The following TRDN variants were observed in gnomAD, a reference collection of about 807,000 sequenced individuals.
TRDN encodes the protein triadin in skeletal muscle.
In TRDN, 161 loss-of-function variants were observed where a neutral mutation model predicts 149.7. That is an observed-to-expected ratio of 1.08 (90% CI 0.95 to 1.23). The LOEUF is 1.23. TRDN is among the 50% of genes most tolerant of loss of function. TRDN has a pLI of 0.00. For synonymous variants in TRDN, 294 were observed against 250.5 expected (o/e 1.17, Z -1.64); for missense variants, 896 against 823.5 (o/e 1.09, Z -1.08).
intron 9 of TRDN, among the ~76,000 whole-genome samples, chr6:123,466,732 A>G (rs928386583): frequency 2.6e-5 from 4 of 152,120 alleles, no homozygotes; most frequent in Non-Finnish European, 4.4e-5. Context: ...AATAAGCTAC[A>G]AGGACAAAGA....
intron 13 of TRDN, among the ~76,000 whole-genome samples, chr6:123,389,908 C>G (rs1782043241): frequency 6.6e-6 from 1 of 152,100 alleles, no homozygotes; most frequent in Non-Finnish European, 1.5e-5. Context: ...TGATGAATTT[C>G]AAAGCCATGA....
intron 14 of TRDN, among the ~76,000 whole-genome samples, chr6:123,386,854 T>G (rs549478205): frequency 3.9e-5 from 6 of 152,206 alleles, no homozygotes; most frequent in Non-Finnish European, 8.8e-5. Context: ...AACCTCTGGC[T>G]ACTCTTACAT....
intron 12 of TRDN, among the ~76,000 whole-genome samples, chr6:123,431,162 C>T (rs572541709): frequency 2.0e-5 from 3 of 152,246 alleles, no homozygotes; most frequent in East Asian, 1.9e-4. Context: ...GTCATCTGAA[C>T]GCAGATTTAC....
intron 1 of TRDN, among the ~76,000 whole-genome samples, chr6:123,590,248 G>A (rs952113189): frequency 1.1e-4 from 16 of 152,040 alleles, no homozygotes; most frequent in Admixed American, 5.2e-4. Context: ...GATCAGCAGC[G>A]GCATTAGATT....
At chr6:123,605,369 C>T (rs999699636) in intron 1 of TRDN, among the ~76,000 whole-genome samples, 1 of 150,616 alleles carries the variant, frequency 6.6e-6, no homozygotes, top group African/African-American at 2.4e-5. Flanking sequence ...CTCCTCTGAA[C>T]ATATTGGAGA....
intron 21 of TRDN, 69 bp downstream of exon 21, chr6:123,352,470 C>T (rs1780500353): frequency 1.3e-6 from 2 of 1,590,172 alleles, no homozygotes; most frequent in African/African-American, 1.4e-5. Flanking sequence ...TGTCTGAATC[C>T]AGTGCTTTCC....
intron 12 of TRDN, among the ~76,000 whole-genome samples, chr6:123,425,660 C>A (rs1212524817): frequency 2.6e-5 from 4 of 151,992 alleles, no homozygotes; most frequent in African/African-American, 9.7e-5. Context: ...GTGAAATGCT[C>A]TTGAGAAGGA....
intron 10 of TRDN, among the ~76,000 whole-genome samples, chr6:123,441,672 G>A (rs1432867320): frequency 6.6e-6 from 1 of 152,080 alleles, no homozygotes; most frequent in Non-Finnish European, 1.5e-5. Flanking sequence ...CCCTCACAAT[G>A]GGCTTTTCTC....
At chr6:123,520,713 T>C (rs1779633759) in intron 5 of TRDN, among the ~76,000 whole-genome samples, 1 of 152,198 alleles carries the variant, frequency 6.6e-6, no homozygotes, top group Non-Finnish European at 1.5e-5. Flanking sequence ...TTTAAATGTA[T>C]GGACAATTTC....
At chr6:123,310,269 A>T (rs1226915670) in intron 24 of TRDN, among the ~76,000 whole-genome samples, 1 of 152,092 alleles carries the variant, frequency 6.6e-6, no homozygotes, top group East Asian at 1.9e-4. Context: ...AGCATAAAAA[A>T]GTCATAACAT....
At chr6:123,597,168 C>G (rs543335379) in intron 1 of TRDN, among the ~76,000 whole-genome samples, 94 of 152,146 alleles carry the variant, frequency 6.2e-4, no homozygotes, top group Non-Finnish European at 1.2e-3. Context: ...ATTTCCTTAA[C>G]AGTTGATTCC....
intron 12 of TRDN, among the ~76,000 whole-genome samples, chr6:123,420,530 G>C (rs1218028819): frequency 1.3e-5 from 2 of 152,236 alleles, no homozygotes; most frequent in Non-Finnish European, 2.9e-5. Flanking sequence ...ACATACAGCA[G>C]AGGAGACTGG....
At chr6:123,549,370 G>A (rs182146671) in intron 2 of TRDN, among the ~76,000 whole-genome samples, 1 of 151,978 alleles carries the variant, frequency 6.6e-6, no homozygotes, top group Non-Finnish European at 1.5e-5. Context: ...CTCTGAAGAG[G>A]CAAGCATAGC....
At chr6:123,381,303 T>C in intron 16 of TRDN, 67 bp downstream of exon 16, 10 of 1,443,656 alleles carry the variant, frequency 6.9e-6, no homozygotes, top group Admixed American at 6.1e-5. Context: ...CAGGTCTAAA[T>C]ACAGCAGCAG....
intron 1 of TRDN, among the ~76,000 whole-genome samples, chr6:123,588,433 T>G (rs1314201017): frequency 1.3e-5 from 2 of 152,198 alleles, no homozygotes; most frequent in African/African-American, 2.4e-5. Context: ...TGACACCTCC[T>G]TCCCATCATG....
At chr6:123,521,438 A>G (rs1425862591) in intron 5 of TRDN, among the ~76,000 whole-genome samples, 1 of 152,060 alleles carries the variant, frequency 6.6e-6, no homozygotes, top group African/African-American at 2.4e-5. Context: ...CAGGGAGAGC[A>G]TCATTTGAAG....
chr6:123,269,348 A>G (rs1039312476), intron 31 of TRDN, among the ~76,000 whole-genome samples: 1 of 152,080 alleles, frequency 6.6e-6, no homozygotes, highest in African/African-American at 2.4e-5. Context: ...TCTAAATGCC[A>G]AAGTTACCTA....
At chr6:123,594,472 C>T (rs1783935325) in intron 1 of TRDN, among the ~76,000 whole-genome samples, 1 of 151,952 alleles carries the variant, frequency 6.6e-6, no homozygotes, top group African/African-American at 2.4e-5. Context: ...AATTTAATTA[C>T]ATCATGTCAT....
intron 26 of TRDN, among the ~76,000 whole-genome samples, chr6:123,276,298 A>T (rs527470618): frequency 7.9e-5 from 12 of 152,242 alleles, no homozygotes; most frequent in African/African-American, 2.9e-4. Flanking sequence ...GGAACATGTT[A>T]TTGGCCACTA....
Sources: allele counts gnomAD v4.1 joint callset (sites outside exome capture counted in the v4.1 genomes callset), GRCh38; gene constraint gnomAD v4.1.1; transcripts MANE v1.5; gene names NCBI Gene and HGNC (gene_info 2026-07-23, HGNC 2026-07-21).